INPP4B: variants seen among roughly 807,000 people sequenced by gnomAD.
INPP4B encodes inositol polyphosphate 4-phosphatase type II.
Under a neutral mutation model 122.5 loss-of-function variants are expected in INPP4B, and 55 were observed. The ratio of observed to expected loss-of-function variants is 0.45; its 90% confidence interval spans 0.36 to 0.56. The LOEUF is 0.56. Ranked by LOEUF, INPP4B falls within the 20% of genes least tolerant of loss-of-function variation. The pLI is 0.00. For missense variants in INPP4B, 1,000 were observed against 1,097.7 expected (o/e 0.91, Z 1.26); for synonymous variants, 403 against 388.7 (o/e 1.04, Z -0.43).
intron 2 of INPP4B, among the ~76,000 whole-genome samples, chr4:142,559,403 TA>T (rs1729962711): frequency 6.6e-6 from 1 of 152,128 alleles, no homozygotes; most frequent in Non-Finnish European, 1.5e-5. Context: ...CAAGATTCAT[TA>T]AAAAATGAAA....
At chr4:142,118,167 TTCC>T (rs766265101) in intron 21 of INPP4B, among the ~76,000 whole-genome samples, 2 of 152,136 alleles carry the variant, frequency 1.3e-5, no homozygotes, top group African/African-American at 2.4e-5. Flanking sequence ...TGGAAGAACA[TTCC>T]ACGCTCATGC....
intron 1 of INPP4B, among the ~76,000 whole-genome samples, chr4:142,726,976 T>TA (rs1469415227): frequency 6.6e-6 from 1 of 152,170 alleles, no homozygotes; most frequent in Non-Finnish European, 1.5e-5. Flanking sequence ...TTCCTATTAT[T>TA]ATCACTGTTC....
intron 18 of INPP4B, among the ~76,000 whole-genome samples, chr4:142,136,326 C>G (rs950371339): frequency 6.6e-6 from 1 of 152,214 alleles, no homozygotes; most frequent in Non-Finnish European, 1.5e-5. Context: ...GGCCCGGGTA[C>G]AGGCTTCATC....
intron 2 of INPP4B, among the ~76,000 whole-genome samples, chr4:142,682,628 G>C (rs1560956550): frequency 6.6e-6 from 1 of 151,880 alleles, no homozygotes; most frequent in African/African-American, 2.4e-5. Context: ...ATCTTTGCAT[G>C]AAAGGTTTTC....
intron 2 of INPP4B, among the ~76,000 whole-genome samples, chr4:142,582,851 T>C (rs188243442): frequency 1.3e-5 from 2 of 152,274 alleles, no homozygotes; most frequent in African/African-American, 4.8e-5. Flanking sequence ...AAATGATTAA[T>C]ACAGTCCCTA....
chr4:142,291,191 T>A (rs1228702546), intron 9 of INPP4B, among the ~76,000 whole-genome samples: 3 of 152,178 alleles, frequency 2.0e-5, no homozygotes, highest in Non-Finnish European at 4.4e-5. Flanking sequence ...TAATCATGTC[T>A]TCTAAGTAAT....
chr4:142,342,566 C>G (rs554857566), intron 7 of INPP4B, among the ~76,000 whole-genome samples: 1 of 152,258 alleles, frequency 6.6e-6, no homozygotes, highest in Non-Finnish European at 1.5e-5. Flanking sequence ...GGTAAAGAAT[C>G]TTAGCTTCAG....
chr4:142,403,003 G>C lies in INPP4B; in HGVS notation c.307C>G (p.Pro103Ala). 1 of 1,611,594 alleles carries C rather than the reference G, an allele frequency of 6.2e-7. No individual in the cohort carries two copies. The highest frequency in any genetic ancestry group is 8.5e-7 in the Non-Finnish European group (1 of 1,177,756). The change falls in exon 7 of 26, where the codon CCC (proline) becomes GCC (alanine). Residue 103 changes from proline (P) to alanine (A), a missense_variant. Coordinates refer to ENST00000262992, the MANE Select transcript of INPP4B (RefSeq NM_001101669.3). Reference protein sequence around the residue: ...LTGVTFPSEYPIYEETKIKLT... With the variant: ...LTGVTFPSEYAIYEETKIKLT... ...TTTATTTTGGTCTCCTCATAGATGGGATACTCAGATGGGAATGTGACACCA... is the reference window on the plus strand; with the variant it reads ...TTTATTTTGGTCTCCTCATAGATGGCATACTCAGATGGGAATGTGACACCA...
At chr4:142,244,301 T>G (rs1033686403) in intron 11 of INPP4B, among the ~76,000 whole-genome samples, 1 of 136,602 alleles carries the variant, frequency 7.3e-6, no homozygotes, top group Non-Finnish European at 1.6e-5. Flanking sequence ...TTTTTTTTTT[T>G]TTTTTTTTTT....
At chr4:142,270,464 G>C (rs543761650) in intron 10 of INPP4B, among the ~76,000 whole-genome samples, 199 bp downstream of exon 10, 1 of 152,284 alleles carries the variant, frequency 6.6e-6, no homozygotes. Flanking sequence ...ATGGAGCATT[G>C]CTTTGCATAG....
At chr4:142,794,059 CTA>C (rs937996133) in intron 1 of INPP4B, among the ~76,000 whole-genome samples, 3 of 151,946 alleles carry the variant, frequency 2.0e-5, no homozygotes, top group Non-Finnish European at 4.4e-5. Flanking sequence ...TGGTATCTAT[CTA>C]CCTAAATATT....
intron 1 of INPP4B, among the ~76,000 whole-genome samples, chr4:142,811,203 C>T (rs1300542645): frequency 6.6e-6 from 1 of 152,178 alleles, no homozygotes; most frequent in East Asian, 1.9e-4. Flanking sequence ...ATATGCTCAG[C>T]ACACCAAAGT....
chr4:142,160,827 C>T (rs1423755769), intron 16 of INPP4B, among the ~76,000 whole-genome samples: 2 of 152,002 alleles, frequency 1.3e-5, no homozygotes, highest in Non-Finnish European at 2.9e-5. Context: ...CAACCTTCTC[C>T]CTTTTAGTTT....
intron 5 of INPP4B, among the ~76,000 whole-genome samples, chr4:142,407,882 G>T (rs1803768106): frequency 1.3e-5 from 2 of 151,914 alleles, no homozygotes; most frequent in South Asian, 4.2e-4. Context: ...TTTATAAATG[G>T]ACTTTTCTAT....
rs79320597 is a variant in INPP4B at position 142,339,159 on chromosome 4, A to G, written c.373-24397T>C. 9.8e-3 allele frequency among the ~76,000 whole-genome samples: 1,496 copies of G among 152,214 alleles called. 32 individuals carry two copies. The highest frequency in any genetic ancestry group is 0.034 in the African/African-American group (1,427 of 41,532). ...TAGACCTAGGAGTGATAATACCTCT[A>G]CCAATATTAAACCAGGTTACTGCAC... is the stretch of plus-strand genomic sequence containing the variant. On this transcript the variant is annotated intron_variant, in intron 7 of 25. Transcript: ENST00000262992.
At chr4:142,524,407 G>A (rs1428902916) in intron 2 of INPP4B, among the ~76,000 whole-genome samples, 1 of 152,014 alleles carries the variant, frequency 6.6e-6, no homozygotes, top group Non-Finnish European at 1.5e-5. Context: ...CTGATGGCCA[G>A]TGATGATGAG....
At chr4:142,517,567 A>C (rs1825567205) in intron 2 of INPP4B, among the ~76,000 whole-genome samples, 1 of 151,976 alleles carries the variant, frequency 6.6e-6, no homozygotes, top group Non-Finnish European at 1.5e-5. Flanking sequence ...CATTCATCAG[A>C]AACAGTGCAT....
At chr4:142,127,416 C>A (rs1398678273) in intron 18 of INPP4B, among the ~76,000 whole-genome samples, 2 of 151,930 alleles carry the variant, frequency 1.3e-5, no homozygotes, top group Non-Finnish European at 2.9e-5. Flanking sequence ...TCACTTCCAT[C>A]TTCACTTATT....
chr4:142,222,770 T>A (rs1849892236), intron 12 of INPP4B, among the ~76,000 whole-genome samples: 1 of 152,190 alleles, frequency 6.6e-6, no homozygotes, highest in South Asian at 2.1e-4. Flanking sequence ...CCATTGAGAA[T>A]TCGTGGCATA....
Sources: allele counts gnomAD v4.1 joint callset (sites outside exome capture counted in the v4.1 genomes callset), GRCh38; gene constraint gnomAD v4.1.1; transcripts MANE v1.5; gene names NCBI Gene and HGNC (gene_info 2026-07-23, HGNC 2026-07-21).